Variants in XKR4 observed in about 807,000 individuals in gnomAD.
XKR4 encodes the protein XK-related protein 4.
XKR4 carries 12 observed loss-of-function variants against 53.9 expected under a neutral mutation model. The ratio of observed to expected loss-of-function variants is 0.22; its 90% confidence interval spans 0.14 to 0.36. The LOEUF is 0.36. Among genes scored for constraint, XKR4 ranks in the 10% least tolerant of loss-of-function variants. The probability of loss-of-function intolerance (pLI) is 1.00; values close to 1 mark genes in which losing one functional copy is unlikely to be tolerated. For missense variants in XKR4, 799 were observed against 859.5 expected, an observed-to-expected ratio of 0.93 and a Z score of 0.88; for synonymous variants, 354 against 362.4, an observed-to-expected ratio of 0.98 and a Z score of 0.26.
rs773340256 is a variant in XKR4, at chr8:55,523,861, G to C, written c.1587G>C (p.Glu529Asp). ...RFGQSPSCAC[E>D]DPAAAFTLPP... ...GGCAGTCACCAAGTTGTGCTTGTGA[G>C]GACCCAGCCGCTGCCTTCACTTTGC... The change falls in exon 3 of 3, where the codon GAG becomes GAC. Residue 529 changes from glutamate to aspartate, a missense_variant. Glu to Asp is a conservative substitution (Grantham distance 45). Transcript: ENST00000327381. 6.2e-7 allele frequency: 1 copy of C among 1,614,182 alleles called. No individual in the cohort carries two copies. Among genetic ancestry groups the C allele is most frequent in the South Asian group, 1.1e-5 (1 of 91,080 alleles).
Position 55,399,744 on chromosome 8 carries a change from T to C in XKR4, c.1006+41867T>C, listed in dbSNP as rs1804571906. Among the ~76,000 whole-genome samples the C allele has an allele frequency of 2.0e-5, 3 of 152,182 alleles. No homozygotes were observed. The South Asian group carries it at 6.2e-4, about 31-fold the overall frequency. ...GGCAAGGAACAGACCGAAGGCTTTG[T>C]CTGATCTTTCTTCTACATAGGAGGG... is the stretch of plus-strand genomic sequence containing the variant. On this transcript the variant is annotated intron_variant, in intron 2 of 2. Transcript: ENST00000327381.
chr8:55,421,990 A>G (rs926907672), intron 2 of XKR4, among the ~76,000 whole-genome samples: 1 of 152,222 alleles, frequency 6.6e-6, no homozygotes. Flanking sequence ...GAGAAGCTGT[A>G]TTGATGTATG....
At chr8:55,386,133 C>A (rs1306030894) in intron 2 of XKR4, among the ~76,000 whole-genome samples, 3 of 152,150 alleles carry the variant, frequency 2.0e-5, no homozygotes, top group African/African-American at 7.2e-5. Context: ...GAGGAGACAG[C>A]AAATAATCAC....
intron 1 of XKR4, among the ~76,000 whole-genome samples, chr8:55,241,508 G>T (rs1265162319): frequency 6.6e-6 from 1 of 152,112 alleles, no homozygotes; most frequent in Admixed American, 6.6e-5. Context: ...GGACTCCTGG[G>T]ACAGCAGTAA....
At chr8:55,380,891 G>A (rs1195735228) in intron 2 of XKR4, among the ~76,000 whole-genome samples, 2 of 152,174 alleles carry the variant, frequency 1.3e-5, no homozygotes, top group East Asian at 1.9e-4. Flanking sequence ...AGTCAAACTA[G>A]GTCATCTCTG....
At chr8:55,494,872 C>T (rs1472726403) in intron 2 of XKR4, among the ~76,000 whole-genome samples, 1 of 152,172 alleles carries the variant, frequency 6.6e-6, no homozygotes, top group Non-Finnish European at 1.5e-5. Flanking sequence ...CTCTGGTCTG[C>T]AGGACTGACT....
intron 2 of XKR4, among the ~76,000 whole-genome samples, chr8:55,407,598 G>T (rs907637892): frequency 6.6e-6 from 1 of 152,156 alleles, no homozygotes; most frequent in Admixed American, 6.5e-5. Context: ...CGGCTCCACC[G>T]GCTCCACCGC....
intron 1 of XKR4, among the ~76,000 whole-genome samples, chr8:55,173,107 A>G (rs970112205): frequency 1.3e-5 from 2 of 152,240 alleles, no homozygotes; most frequent in African/African-American, 4.8e-5. Context: ...AATTACTGCA[A>G]ATGCTCACCC....
intron 1 of XKR4, among the ~76,000 whole-genome samples, chr8:55,355,947 C>G (rs1585535902): frequency 6.6e-6 from 1 of 152,204 alleles, no homozygotes; most frequent in East Asian, 1.9e-4. Flanking sequence ...CCAACTAAAA[C>G]TGTGAAACTT....
intron 2 of XKR4, among the ~76,000 whole-genome samples, chr8:55,423,898 G>A (rs1231504672): frequency 6.6e-6 from 1 of 152,198 alleles, no homozygotes; most frequent in Non-Finnish European, 1.5e-5. Context: ...GCCACAGAGG[G>A]TCAGGAATAG....
chr8:55,266,870 G>A (rs112664381), intron 1 of XKR4, among the ~76,000 whole-genome samples: 206 of 152,164 alleles, frequency 1.4e-3, no homozygotes, highest in African/African-American at 4.7e-3. Flanking sequence ...AATATCATTA[G>A]CATCGCATGC....
intron 1 of XKR4, among the ~76,000 whole-genome samples, chr8:55,316,442 T>C (rs921401062): frequency 2.6e-5 from 4 of 152,250 alleles, no homozygotes; most frequent in African/African-American, 9.6e-5. Flanking sequence ...GTTGTCTAGA[T>C]ATACTCCTTT....
chr8:55,453,582 C>A, intron 2 of XKR4: 1 of 392,756 alleles, frequency 2.5e-6, no homozygotes, highest in Non-Finnish European at 4.9e-6. Context: ...GTCCTCCTCC[C>A]AGCCTTCATG....
rs185901969 is a variant in XKR4, at chr8:55,274,676, G to C, written c.807-83002G>C. On this transcript the variant is annotated intron_variant, in intron 1 of 2. Transcript: ENST00000327381. ...TCGAACTCCTGGCCTCAAGTGATCT[G>C]CCTGCCTCGTCCTTTCAAAGTACTA... Among the ~76,000 whole-genome samples the C allele has an allele frequency of 3.7e-3, 561 of 152,166 alleles. 3 individuals carry two copies. Among genetic ancestry groups the C allele is most frequent in the Admixed American group, 7.3e-3 (111 of 15,288 alleles).
intron 2 of XKR4, among the ~76,000 whole-genome samples, chr8:55,498,429 G>A (rs941130457): frequency 2.0e-5 from 3 of 152,146 alleles, no homozygotes; most frequent in African/African-American, 4.8e-5. Context: ...TCCAGGCACC[G>A]AGCGCATCCT....
intron 2 of XKR4, among the ~76,000 whole-genome samples, chr8:55,411,782 G>A (rs1804782039): frequency 6.6e-6 from 1 of 152,202 alleles, no homozygotes; most frequent in African/African-American, 2.4e-5. Context: ...CCCAGGTGCA[G>A]TAATAATCAC....
At chr8:55,193,227 C>T (rs1817466437) in intron 1 of XKR4, among the ~76,000 whole-genome samples, 1 of 152,056 alleles carries the variant, frequency 6.6e-6, no homozygotes, top group Non-Finnish European at 1.5e-5. Context: ...TCTTTTTAAC[C>T]TTCGTGCTTG....
intron 2 of XKR4, among the ~76,000 whole-genome samples, chr8:55,420,054 T>C (rs1563345529): frequency 6.6e-6 from 1 of 152,244 alleles, no homozygotes; most frequent in Non-Finnish European, 1.5e-5. Context: ...AGTCAAGTAC[T>C]ATGACAAACA....
chr8:55,176,391 G>C (rs977716596), intron 1 of XKR4, among the ~76,000 whole-genome samples: 1 of 152,204 alleles, frequency 6.6e-6, no homozygotes, highest in East Asian at 1.9e-4. Flanking sequence ...CATGTTGAAA[G>C]GTAGAGTGCT....
Sources: allele counts gnomAD v4.1 joint callset (sites outside exome capture counted in the v4.1 genomes callset), GRCh38; gene constraint gnomAD v4.1.1; transcripts MANE v1.5; gene names NCBI Gene and HGNC (gene_info 2026-07-23, HGNC 2026-07-21).